The following RASGRF2 variants were observed in gnomAD, a reference collection of about 807,000 sequenced individuals.
RASGRF2 encodes Ras protein specific guanine nucleotide releasing factor 2, also known as ras-specific guanine nucleotide-releasing factor 2.
A neutral mutation model predicts 151.0 loss-of-function variants in RASGRF2; 76 were observed. The observed-to-expected ratio is 0.50, with a 90% CI of 0.42 to 0.61. The LOEUF (loss-of-function observed/expected upper bound fraction) is 0.61, where lower values mean the gene tolerates loss of function less well. Among genes scored for constraint, RASGRF2 ranks in the 20% least tolerant of loss-of-function variants. The pLI is 0.00. For synonymous variants in RASGRF2, 504 were observed against 566.5 expected (o/e 0.89, Z 1.57); for missense variants, 1,148 against 1,564.6 (o/e 0.73, Z 4.49).
At chr5:81,173,642 T>A (rs923463350) in intron 17 of RASGRF2, among the ~76,000 whole-genome samples, 6 of 152,204 alleles carry the variant, frequency 3.9e-5, no homozygotes, top group Non-Finnish European at 8.8e-5. Flanking sequence ...TTAAACAAGT[T>A]ACTTAACCTC....
chr5:80,997,353 A>G (rs777628640), intron 1 of RASGRF2: 1 of 152,240 alleles, frequency 6.6e-6, no homozygotes, highest in African/African-American at 2.4e-5. Context: ...TGATTTGCCA[A>G]TGCTTGAGGA....
At chr5:81,148,948 CAA>C (rs1271079231) in intron 17 of RASGRF2, among the ~76,000 whole-genome samples, 3 of 152,098 alleles carry the variant, frequency 2.0e-5, no homozygotes, top group South Asian at 2.1e-4. Flanking sequence ...ATTAAAACCA[CAA>C]AGAGAGACCA....
chr5:81,114,036 A>G (rs1753082193), intron 15 of RASGRF2, 116 bp downstream of exon 15: 1 of 1,311,168 alleles, frequency 7.6e-7, no homozygotes, highest in African/African-American at 1.5e-5. Flanking sequence ...TTCTGCATAG[A>G]AAGTAGAATG....
At chr5:81,173,378 A>G (rs905673975) in intron 17 of RASGRF2, among the ~76,000 whole-genome samples, 2 of 152,192 alleles carry the variant, frequency 1.3e-5, no homozygotes. Context: ...ATTCTGTCTC[A>G]AAAAAATAAA....
intron 1 of RASGRF2, among the ~76,000 whole-genome samples, chr5:80,973,984 G>A (rs1405453813): frequency 6.6e-6 from 1 of 152,214 alleles, no homozygotes; most frequent in Non-Finnish European, 1.5e-5. Flanking sequence ...AAGGCCTGAT[G>A]TAGCCAATCT....
At chr5:81,065,119 G>A (rs1450358482) in intron 2 of RASGRF2, among the ~76,000 whole-genome samples, 1 of 152,126 alleles carries the variant, frequency 6.6e-6, no homozygotes, top group Non-Finnish European at 1.5e-5. Context: ...AATGCATCTT[G>A]ATTGACACCG....
chr5:81,039,627 A>T (rs1247906135), intron 1 of RASGRF2, among the ~76,000 whole-genome samples: 1 of 152,208 alleles, frequency 6.6e-6, no homozygotes, highest in Admixed American at 6.5e-5. Flanking sequence ...GAGCATATAC[A>T]TCTTTCAACT....
At position 80,960,667 on chromosome 5, in the gene RASGRF2, G is replaced by T; in HGVS notation, c.-72G>T. ...GACCTGAGCGGTCGCGCCCTCGAGG[G>T]AGCCAGCTGGGCCATGGCCGCGAGG... On this transcript the variant is annotated 5_prime_UTR_variant, in exon 1 of 27. Coordinates refer to ENST00000265080, the MANE Select transcript of RASGRF2 (RefSeq NM_006909.3). The surrounding 1 kb of genome is among the most constrained non-coding windows in gnomAD (Gnocchi z 5.5). 5 of 1,288,274 alleles carry T rather than the reference G, an allele frequency of 3.9e-6. No individual in the cohort carries two copies. Among genetic ancestry groups the T allele is most frequent in the Non-Finnish European group, 5.0e-6 (5 of 1,000,984 alleles). 79.8% of individuals were successfully genotyped at this position (1,288,274 alleles called of 1,614,324 possible). A position where few individuals can be genotyped will look rare whatever the true frequency, so the allele number is the denominator to read the frequency against.
chr5:81,094,682 C>T (rs1752493544), intron 11 of RASGRF2, among the ~76,000 whole-genome samples, 174 bp from the exon 12 acceptor site: 1 of 152,172 alleles, frequency 6.6e-6, no homozygotes, highest in Non-Finnish European at 1.5e-5. Context: ...TCAGCTTCTT[C>T]ATCTGCTTAT....
chr5:81,169,997 T>TCACCTGCACCACCTGTATCACCCATAC (rs1754614327), intron 17 of RASGRF2, among the ~76,000 whole-genome samples: 1 of 25,426 alleles, frequency 3.9e-5, no homozygotes, highest in Admixed American at 5.2e-4. Flanking sequence ...ACCACCTGCA[T>TCACCTGCACCACCTGTATCACCCATAC]CACCTGCATC....
intron 12 of RASGRF2, among the ~76,000 whole-genome samples, chr5:81,095,641 T>A (rs927206903): frequency 1.2e-3 from 178 of 152,330 alleles, no homozygotes; most frequent in Non-Finnish European, 1.9e-4. Flanking sequence ...AGGGGAAAAG[T>A]GTTGCTATGT....
rs1753730379 is a variant in RASGRF2, at chr5:81,135,418, C to T, written c.2686+8255C>T. On this transcript the variant is annotated intron_variant, in intron 17 of 26. Coordinates refer to ENST00000265080, the MANE Select transcript of RASGRF2 (RefSeq NM_006909.3). ...TTTCCCCAAGCCCTTTAGCTGTTAG[C>T]AGTCACTCCCTATTTGTCTCTTCCT... Among the ~76,000 whole-genome samples the T allele has an allele frequency of 2.0e-5, 3 of 152,200 alleles. No individual in the cohort carries two copies. The South Asian group carries it at 6.2e-4, about 32-fold the overall frequency.
chr5:81,147,964 A>G (rs150228382), intron 17 of RASGRF2, among the ~76,000 whole-genome samples: 1 of 152,326 alleles, frequency 6.6e-6, no homozygotes, highest in East Asian at 1.9e-4. Context: ...GGCAGGCACT[A>G]AGTGCATACG....
At chr5:80,999,563 T>C (rs777976214) in intron 1 of RASGRF2, among the ~76,000 whole-genome samples, 6 of 152,116 alleles carry the variant, frequency 3.9e-5, no homozygotes, top group Non-Finnish European at 8.8e-5. Flanking sequence ...TTTGCTGTGT[T>C]GCTGAGGCTG....
At chr5:81,173,686 A>G (rs538090524) in intron 17 of RASGRF2, among the ~76,000 whole-genome samples, 11 of 152,212 alleles carry the variant, frequency 7.2e-5, no homozygotes, top group Non-Finnish European at 1.6e-4. Context: ...GATTGGTTCA[A>G]TGGGCAATAG....
rs758246731 is a variant in RASGRF2, at chr5:81,207,246, A to G, written c.2968A>G (p.Thr990Ala). The G allele has an allele frequency of 3.1e-6, 5 of 1,613,670 alleles. No homozygotes were observed. The South Asian group carries it at 5.5e-5, about 18-fold the overall frequency. ...CATTTCCCTCCCTCATCTCTTGCAGACTGACTGCATGAAGGCCGAATGCTT... is the reference window on the plus strand; with the variant it reads ...CATTTCCCTCCCTCATCTCTTGCAGGCTGACTGCATGAAGGCCGAATGCTT... Reference protein sequence around the residue: ...HLKLEDIIQMTDCMKAECFES... With the variant: ...HLKLEDIIQMADCMKAECFES... The change falls in exon 21 of 27, where the codon ACT becomes GCT. Residue 990 changes from threonine (T) to alanine (A), a missense_variant and splice_region_variant. Physicochemically the swap from Thr to Ala is moderately conservative, Grantham distance 58 (BLOSUM62 0). Coordinates refer to ENST00000265080, the MANE Select transcript of RASGRF2 (RefSeq NM_006909.3).
At chr5:80,966,149 C>T (rs1747716203) in intron 1 of RASGRF2, among the ~76,000 whole-genome samples, 1 of 151,494 alleles carries the variant, frequency 6.6e-6, no homozygotes, top group African/African-American at 2.4e-5. Context: ...TACCCTTCTA[C>T]TATTTTCTAC....
chr5:80,969,843 T>TTTTG (rs1747871398), intron 1 of RASGRF2, among the ~76,000 whole-genome samples: 2 of 132,732 alleles, frequency 1.5e-5, no homozygotes, highest in Non-Finnish European at 1.6e-5. Context: ...TTTTTTTTTT[T>TTTTG]GAGACAGAGT....
intron 2 of RASGRF2, among the ~76,000 whole-genome samples, chr5:81,049,641 A>C (rs896885898): frequency 2.6e-5 from 4 of 152,094 alleles, no homozygotes; most frequent in African/African-American, 9.7e-5. Flanking sequence ...GGTCGTGTAG[A>C]TAGAGCTGCT....
Sources: gnomAD v4.1 joint callset for allele counts (sites outside exome capture counted in the v4.1 genomes callset) on GRCh38, gnomAD v4.1.1 for gene constraint, Gnocchi (gnomAD v3.1) non-coding constraint, MANE v1.5 for transcripts, NCBI Gene and HGNC (gene_info 2026-07-23, HGNC 2026-07-21) for gene names.